The following MYO3B variants were observed in gnomAD, a reference collection of about 807,000 sequenced individuals.
MYO3B encodes the protein myosin-IIIb.
In MYO3B, 156 loss-of-function variants were observed where a neutral mutation model predicts 174.6. The observed-to-expected ratio is 0.89, with a 90% CI of 0.78 to 1.02. The LOEUF is 1.02. Ranked by LOEUF, MYO3B falls within the 50% of genes least tolerant of loss-of-function variation. MYO3B has a pLI of 0.00. For missense variants in MYO3B, 1,632 were observed against 1,639.4 expected (o/e 1.00, Z 0.08); for synonymous variants, 563 against 569.1 (o/e 0.99, Z 0.15).
At chr2:170,438,720 C>T (rs565004962) in intron 22 of MYO3B, among the ~76,000 whole-genome samples, 45 of 152,048 alleles carry the variant, frequency 3.0e-4, no homozygotes, top group African/African-American at 1.0e-3. Context: ...CTGCAGCCTC[C>T]CCCTCCCAAG....
At chr2:170,365,074 A>G (rs930007152) in intron 8 of MYO3B, among the ~76,000 whole-genome samples, 10 of 152,146 alleles carry the variant, frequency 6.6e-5, no homozygotes, top group Non-Finnish European at 1.3e-4. Flanking sequence ...ACCTAGCTCA[A>G]TTCTTACCAG....
intron 22 of MYO3B, among the ~76,000 whole-genome samples, chr2:170,439,160 C>G (rs902589871): frequency 2.1e-4 from 31 of 149,666 alleles, no homozygotes; most frequent in African/African-American, 7.4e-4. Flanking sequence ...ATCATGAGGT[C>G]AGGAGATTGA....
chr2:170,216,580 G>C (rs1351805848), intron 5 of MYO3B, among the ~76,000 whole-genome samples: 1 of 152,144 alleles, frequency 6.6e-6, no homozygotes, highest in Non-Finnish European at 1.5e-5. Context: ...TTAGAATTCA[G>C]GTCCCCAACA....
intron 32 of MYO3B, among the ~76,000 whole-genome samples, chr2:170,592,355 T>G (rs1693870135): frequency 6.6e-6 from 1 of 152,054 alleles, no homozygotes; most frequent in African/African-American, 2.4e-5. Context: ...AAGTTTCTCT[T>G]TAATAAGACC....
chr2:170,392,270 G>A, intron 15 of MYO3B, 111 bp from the exon 16 acceptor site: 1 of 642,854 alleles, frequency 1.6e-6, no homozygotes, highest in Non-Finnish European at 2.6e-6. Context: ...TTCAGGCTGG[G>A]CAACAGAGTG....
At position 170,401,802 on chromosome 2, in the gene MYO3B, C is replaced by T. The variant is rs78393302; in HGVS notation, c.2129+111C>T. On this transcript the variant is annotated intron_variant, in intron 18 of 34. Coordinates refer to ENST00000408978, the MANE Select transcript of MYO3B (RefSeq NM_138995.5). ...CCTCTCTGGGATTTTCTTTCTTTTT[C>T]TTTTTTTTTTTTTTTGTGGAGTCAG... is the stretch of plus-strand genomic sequence containing the variant. The T allele has an allele frequency of 7.2e-3, 5,059 of 697,890 alleles. 77 individuals are homozygous for T. Among genetic ancestry groups the T allele is most frequent in the African/African-American group, 0.043 (2,153 of 49,628 alleles). 43.2% of individuals were successfully genotyped at this position (697,890 alleles called of 1,614,324 possible). A position where few individuals can be genotyped will look rare whatever the true frequency, so the allele number is the denominator to read the frequency against.
Position 170,233,112 on chromosome 2 carries a change from G to A in MYO3B, c.604-2879G>A, listed in dbSNP as rs16858046. Among the ~76,000 whole-genome samples the A allele has an allele frequency of 8.1e-3, 1,229 of 152,242 alleles. 22 individuals carry two copies. Among genetic ancestry groups the A allele is most frequent in the African/African-American group, 0.028 (1,160 of 41,524 alleles). ...GCTAGAAGCTGATTTGAATTTCTCCGCAAAAGTTCTAGACTATGGGTACTA... is the reference window on the plus strand; with the variant it reads ...GCTAGAAGCTGATTTGAATTTCTCCACAAAAGTTCTAGACTATGGGTACTA... On this transcript the variant is annotated intron_variant, in intron 6 of 34. Transcript: ENST00000408978.
At chr2:170,237,164 A>G (rs1000329118) in intron 7 of MYO3B, among the ~76,000 whole-genome samples, 1 of 152,226 alleles carries the variant, frequency 6.6e-6, no homozygotes, top group African/African-American at 2.4e-5. Flanking sequence ...AGAGGAGCAG[A>G]CGAAGCACCT....
At chr2:170,635,740 GTATTT>G (rs1697410068) in intron 32 of MYO3B, among the ~76,000 whole-genome samples, 1 of 152,098 alleles carries the variant, frequency 6.6e-6, no homozygotes, top group South Asian at 2.1e-4. Flanking sequence ...ATAAAATATT[GTATTT>G]TAAACATGTT....
Position 170,382,045 on chromosome 2 carries a change from A to G in MYO3B, c.1001A>G (p.Tyr334Cys), listed in dbSNP as rs1484210429. The stretch of plus-strand genomic sequence containing the variant: ...GAGAGGATGCATACCAGAAGACCTT[A>G]TCATGTGGAAGATGCTGAAAAATAC... ...RHERMHTRRP[Y>C]HVEDAEKYCL... The change falls in exon 10 of 35, where the codon TAT becomes TGT. Residue 334 changes from tyrosine to cysteine, a missense_variant. Coordinates refer to ENST00000408978, the MANE Select transcript of MYO3B (RefSeq NM_138995.5). 3 of 1,613,708 alleles carry G rather than the reference A, an allele frequency of 1.9e-6. No individual in the cohort carries two copies. Among genetic ancestry groups the G allele is most frequent in the South Asian group, 1.1e-5 (1 of 91,010 alleles).
rs2094250219 is a variant in MYO3B at position 170,372,066 on chromosome 2, CTG to C, written c.971+2692_971+2693del. ...CCCAGGAGTTTGAGGCTGCAGCAAA[CTG>C]TGATTGCACCACTGCATTCCAGCCT... On this transcript the variant is annotated intron_variant, in intron 9 of 34. Transcript: ENST00000408978. Among the ~76,000 whole-genome samples, 2 of 127,022 alleles carry C rather than the reference CTG, an allele frequency of 1.6e-5. 1 individual carries two copies. Among genetic ancestry groups the C allele is most frequent in the East Asian group, 5.2e-4 (2 of 3,830 alleles). The allele number at this position is 127,022 out of a possible 152,430, so 83.3% of individuals were successfully genotyped here. A position where few individuals can be genotyped will look rare whatever the true frequency, so the allele number is the denominator to read the frequency against.
chr2:170,451,979 G>A (rs548453160), intron 23 of MYO3B, among the ~76,000 whole-genome samples: 29 of 152,190 alleles, frequency 1.9e-4, no homozygotes, highest in Non-Finnish European at 3.2e-4. Flanking sequence ...AAAGCCAATC[G>A]GCCCATTTTG....
At chr2:170,352,761 A>G (rs2094085660) in intron 8 of MYO3B, among the ~76,000 whole-genome samples, 4 of 152,210 alleles carry the variant, frequency 2.6e-5, no homozygotes, top group Admixed American at 2.0e-4. Context: ...GTTCTAGGAT[A>G]CTATTGTTTA....
intron 3 of MYO3B, among the ~76,000 whole-genome samples, chr2:170,208,017 T>C (rs1405121670): frequency 6.6e-6 from 1 of 152,186 alleles, no homozygotes; most frequent in African/African-American, 2.4e-5. Context: ...CTGCTGTCAG[T>C]AGCCTTTGAA....
chr2:170,602,793 G>A (rs935921167), intron 32 of MYO3B, among the ~76,000 whole-genome samples: 55 of 152,292 alleles, frequency 3.6e-4, no homozygotes, highest in African/African-American at 1.3e-3. Flanking sequence ...TCTGCCAGGC[G>A]CAGTGACTCA....
At chr2:170,218,829 C>G (rs1378442296) in intron 6 of MYO3B, among the ~76,000 whole-genome samples, 1 of 152,124 alleles carries the variant, frequency 6.6e-6, no homozygotes, top group Non-Finnish European at 1.5e-5. Flanking sequence ...TGAAACAAAA[C>G]CAAAAACATA....
intron 6 of MYO3B, among the ~76,000 whole-genome samples, chr2:170,223,151 T>C (rs6433182): frequency 0.94 from 143,137 of 152,130 alleles, 67,979 homozygotes; most frequent in East Asian, 1. Context: ...TATTATCTCC[T>C]GAGATGTTTG....
At chr2:170,211,120 G>A (rs1242078382) in intron 3 of MYO3B, among the ~76,000 whole-genome samples, 2 of 152,162 alleles carry the variant, frequency 1.3e-5, no homozygotes, top group African/African-American at 4.8e-5. Flanking sequence ...AGAAAAACAG[G>A]TTTCTTCCCA....
At chr2:170,299,492 A>G (rs927426134) in intron 7 of MYO3B, among the ~76,000 whole-genome samples, 2 of 152,226 alleles carry the variant, frequency 1.3e-5, no homozygotes, top group African/African-American at 4.8e-5. Context: ...GAAAAGAGCC[A>G]ATATTTATTG....
Sources: gnomAD v4.1 joint callset for allele counts (sites outside exome capture counted in the v4.1 genomes callset) on GRCh38, gnomAD v4.1.1 for gene constraint, MANE v1.5 for transcripts, NCBI Gene and HGNC (gene_info 2026-07-23, HGNC 2026-07-21) for gene names.